The following ARHGEF10 variants were observed in gnomAD, a reference collection of about 807,000 sequenced individuals.
The protein encoded by ARHGEF10 is Rho guanine nucleotide exchange factor (GEF) 10.
ARHGEF10 carries 140 observed loss-of-function variants against 147.4 expected under a neutral mutation model. The ratio of observed to expected loss-of-function variants is 0.95; its 90% CI spans 0.83 to 1.09. The LOEUF is 1.09. ARHGEF10 is among the 50% of genes least tolerant of loss of function. The probability of loss-of-function intolerance (pLI) is 0.00; values close to 1 mark genes in which losing one functional copy is unlikely to be tolerated. For synonymous variants in ARHGEF10, 902 were observed against 695.8 expected (o/e 1.30, Z -4.67); for missense variants, 2,222 against 1,752.7 (o/e 1.27, Z -4.78).
intron 13 of ARHGEF10, among the ~76,000 whole-genome samples, chr8:1,895,235 G>A (rs2129159170): frequency 6.6e-6 from 1 of 152,334 alleles, no homozygotes; most frequent in South Asian, 2.1e-4. Flanking sequence ...CTCACTCCGT[G>A]TATGAATCAT....
At chr8:1,861,302 A>C in intron 4 of ARHGEF10, among the ~76,000 whole-genome samples, 1 of 152,190 alleles carries the variant, frequency 6.6e-6, no homozygotes, top group Non-Finnish European at 1.5e-5. Flanking sequence ...TGCTGGAAGG[A>C]CAGCGTGCAG....
intron 18 of ARHGEF10, among the ~76,000 whole-genome samples, chr8:1,919,819 G>GAGTTCTCCCTCAGGCTTAC: frequency 1.3e-5 from 2 of 149,414 alleles, no homozygotes; most frequent in South Asian, 4.3e-4. Context: ...TGTTCTGTGG[G>GAGTTCTCCCTCAGGCTTAC]TGATGAGCTG....
intron 18 of ARHGEF10, among the ~76,000 whole-genome samples, chr8:1,910,134 C>G (rs1371812621): frequency 4.6e-5 from 7 of 152,010 alleles, no homozygotes; most frequent in Non-Finnish European, 8.8e-5. Flanking sequence ...GTTTTATTCA[C>G]TTTTTGGGCT....
chr8:1,879,958 A>G (rs187828490), intron 8 of ARHGEF10, 90 bp from the exon 9 acceptor site: 339 of 918,364 alleles, frequency 3.7e-4, no homozygotes, highest in South Asian at 6.1e-4. Context: ...GTGCCACTGC[A>G]GACGCTGCCA....
At chr8:1,883,185 G>C (rs970405138) in intron 10 of ARHGEF10, among the ~76,000 whole-genome samples, 6 of 152,144 alleles carry the variant, frequency 3.9e-5, no homozygotes, top group African/African-American at 1.4e-4. Flanking sequence ...TGAAGTTCCA[G>C]GTTTTTCTAA....
chr8:1,830,332 C>A (rs1452449425), intron 1 of ARHGEF10, among the ~76,000 whole-genome samples: 1 of 120,704 alleles, frequency 8.3e-6, no homozygotes, highest in Non-Finnish European at 1.8e-5. Context: ...GGCGTGGCTT[C>A]TGTCCAGCAT....
rs1374095120 is a variant in ARHGEF10, at chr8:1,858,089, G to C, written c.167G>C (p.Gly56Ala). ...TCCGCCCCTGAGACAGGAGGTGCTG[G>C]AGCCAGTGAAGCCCCTGCACCCACA... ...APSAPETGGAGASEAPAPTGG... is the reference protein window; with the variant it reads ...APSAPETGGAAASEAPAPTGG... Residue 56 changes from glycine (G) to alanine (A), a missense_variant, in exon 3 of 29, where the codon GGA becomes GCA. Physicochemically the swap from Gly to Ala is moderately conservative, Grantham distance 60. Transcript: ENST00000349830. The C allele has an allele frequency of 6.3e-7, 1 of 1,595,504 alleles. No individual in the cohort carries two copies.
intron 25 of ARHGEF10, among the ~76,000 whole-genome samples, chr8:1,933,537 T>C (rs998088186): frequency 1.6e-5 from 1 of 61,318 alleles, no homozygotes; most frequent in Non-Finnish European, 3.0e-5. Context: ...GGGACACACA[T>C]GGAGGGGATA....
At chr8:1,824,426 G>A (rs953976578) in intron 1 of ARHGEF10, among the ~76,000 whole-genome samples, 2 of 151,996 alleles carry the variant, frequency 1.3e-5, no homozygotes, top group Non-Finnish European at 2.9e-5. Context: ...CGAGGGGCGA[G>A]CTGGCTTCGC....
At position 1,898,421 on chromosome 8, in the gene ARHGEF10, C is replaced by T. The variant is rs765546408; in HGVS notation, c.1558-12C>T. On this transcript the variant is annotated splice_polypyrimidine_tract_variant and intron_variant, in intron 14 of 28. Coordinates refer to ENST00000349830, the MANE Select transcript of ARHGEF10 (RefSeq NM_014629.4). ...CCCTGCAGGGAGGTGACCCCGGTGC[C>T]TTCCCCCACAGCAGGAACAGGAGGC... The T allele has an allele frequency of 5.0e-6, 8 of 1,613,790 alleles. No homozygotes were observed. In the South Asian group the frequency reaches 8.8e-5, roughly 18 times the overall value.
intron 16 of ARHGEF10, 84 bp downstream of exon 16, chr8:1,903,535 T>G: frequency 1.9e-6 from 3 of 1,545,212 alleles, no homozygotes; most frequent in Non-Finnish European, 2.6e-6. Context: ...AATACTAATC[T>G]TTTGGATCGT....
chr8:1,940,009 C>T (rs1325245546), intron 26 of ARHGEF10, among the ~76,000 whole-genome samples: 1 of 152,136 alleles, frequency 6.6e-6, no homozygotes, highest in Non-Finnish European at 1.5e-5. Context: ...AGTATTTTGC[C>T]AGCAACGTAA....
chr8:1,929,358 C>T lies in ARHGEF10; in HGVS notation c.2994C>T (p.Ser998=), dbSNP rs781154596. The T allele has an allele frequency of 6.2e-7, 1 of 1,613,938 alleles. No individual in the cohort carries two copies. The highest frequency in any genetic ancestry group is 1.7e-5 in the Admixed American group (1 of 60,030). ...RLQHFFTPEK[S]TVMSLACTSQ... is the part of the protein sequence containing the mutation. Reference sequence around the variant, plus strand: ...AGCACTTTTTCACTCCTGAGAAGTCCACAGTCATGAGCCTGGCTTGCACGT... The same window carrying T: ...AGCACTTTTTCACTCCTGAGAAGTCTACAGTCATGAGCCTGGCTTGCACGT... The change falls in exon 25 of 29, where the codon TCC becomes TCT. Residue 998 remains serine (S), a synonymous_variant. Transcript: ENST00000349830.
chr8:1,908,559 T>G (rs1811100707), intron 17 of ARHGEF10, among the ~76,000 whole-genome samples: 2 of 152,140 alleles, frequency 1.3e-5, no homozygotes, highest in South Asian at 4.1e-4. Context: ...CGGCAATATC[T>G]TGAAGAAAAG....
intron 4 of ARHGEF10, among the ~76,000 whole-genome samples, chr8:1,861,219 G>T (rs563172483): frequency 1.3e-5 from 2 of 152,250 alleles, no homozygotes; most frequent in Non-Finnish European, 2.9e-5. Context: ...GGTGGAGCCC[G>T]TTCTCTGCTG....
chr8:1,922,901 A>G, intron 18 of ARHGEF10, 63 bp from the exon 19 acceptor site: 1 of 1,153,720 alleles, frequency 8.7e-7, no homozygotes, highest in Middle Eastern at 2.0e-4. Flanking sequence ...TCTTCCCTCA[A>G]GTATTGGAGT....
chr8:1,945,093 C>T (rs2129273957), intron 26 of ARHGEF10, among the ~76,000 whole-genome samples: 1 of 152,330 alleles, frequency 6.6e-6, no homozygotes, highest in East Asian at 1.9e-4. Flanking sequence ...TGCAGGCAGG[C>T]AGTGGGGCCC....
At position 1,869,248 on chromosome 8, in the gene ARHGEF10, C is replaced by T. The variant is rs1313244620; in HGVS notation, c.677C>T (p.Pro226Leu). Residue 226 changes from proline to leucine, a missense_variant and splice_region_variant, in exon 7 of 29, where the codon CCA (proline) becomes CTA (leucine). Coordinates refer to ENST00000349830, the MANE Select transcript of ARHGEF10 (RefSeq NM_014629.4). Reference protein sequence around the residue: ...DVPRENSDSEPDEMIYDDVEN... With the variant: ...DVPRENSDSELDEMIYDDVEN... ...CCAAGGGAAAACTCAGACTCTGAAC[C>T]AGGTTTGATTTTGTCTGGAATTGAT... 6.2e-7 allele frequency: 1 copy of T among 1,613,622 alleles called. No individual in the cohort carries two copies. Among genetic ancestry groups the T allele is most frequent in the Middle Eastern group, 1.6e-4 (1 of 6,062 alleles).
chr8:1,884,391 A>G (rs1436349865), intron 10 of ARHGEF10, among the ~76,000 whole-genome samples: 3 of 108,388 alleles, frequency 2.8e-5, no homozygotes, highest in Middle Eastern at 3.9e-3. Context: ...GCAAGAGTCC[A>G]TCTCAAGAAA....
Sources: allele counts gnomAD v4.1 joint callset (sites outside exome capture counted in the v4.1 genomes callset), GRCh38; gene constraint gnomAD v4.1.1; transcripts MANE v1.5; gene names NCBI Gene and HGNC (gene_info 2026-07-23, HGNC 2026-07-21).